LRCH1: variants seen among roughly 807,000 people sequenced by gnomAD.
LRCH1 encodes leucine-rich repeat and calponin homology domain-containing protein 1.
A neutral mutation model predicts 94.9 loss-of-function variants in LRCH1; 23 were observed. The ratio of observed to expected loss-of-function variants is 0.24; its 90% CI spans 0.17 to 0.34. The LOEUF is 0.34. Ranked by LOEUF, LRCH1 falls within the 10% of genes least tolerant of loss-of-function variation. The probability of loss-of-function intolerance (pLI) is 1.00; values close to 1 mark genes in which losing one functional copy is unlikely to be tolerated. For missense variants in LRCH1, 790 were observed against 945.9 expected, an observed-to-expected ratio of 0.84 and a Z score of 2.16; for synonymous variants, 364 against 354.9, an observed-to-expected ratio of 1.03 and a Z score of -0.29.
intron 1 of LRCH1, among the ~76,000 whole-genome samples, chr13:46,609,312 T>G (rs2050721502): frequency 6.6e-6 from 1 of 152,226 alleles, no homozygotes; most frequent in African/African-American, 2.4e-5. Context: ...ATCTACATTC[T>G]TCATTCTTAG....
At chr13:46,651,019 T>G (rs1300003467) in intron 2 of LRCH1, among the ~76,000 whole-genome samples, 3 of 152,226 alleles carry the variant, frequency 2.0e-5, no homozygotes, top group Admixed American at 2.0e-4. Flanking sequence ...TCAGTTATTT[T>G]AAGGCCTTGG....
chr13:46,558,570 T>TCCAAAAAAAAAAAAAAAAA (rs1346600054), intron 1 of LRCH1, among the ~76,000 whole-genome samples: 1 of 9,314 alleles, frequency 1.1e-4, no homozygotes, highest in Non-Finnish European at 1.6e-4. Flanking sequence ...ACCCTGTGTC[T>TCCAAAAAAAAAAAAAAAAA]ACAAAAAAAA....
intron 1 of LRCH1, among the ~76,000 whole-genome samples, chr13:46,576,356 T>C (rs2050304549): frequency 6.6e-6 from 1 of 152,208 alleles, no homozygotes; most frequent in South Asian, 2.1e-4. Context: ...AAAAAACTTG[T>C]TAGAATTCCC....
intron 1 of LRCH1, among the ~76,000 whole-genome samples, chr13:46,636,225 T>G (rs758818177): frequency 6.6e-6 from 1 of 151,814 alleles, no homozygotes; most frequent in African/African-American, 2.4e-5. Context: ...ATGTGCCACA[T>G]GCCTGGCTAA....
At chr13:46,605,655 T>A (rs2050679428) in intron 1 of LRCH1, among the ~76,000 whole-genome samples, 1 of 152,228 alleles carries the variant, frequency 6.6e-6, no homozygotes, top group Non-Finnish European at 1.5e-5. Flanking sequence ...TGACTGGGAT[T>A]TCAGAATATC....
intron 3 of LRCH1, among the ~76,000 whole-genome samples, chr13:46,670,033 C>T (rs777334763): frequency 2.6e-5 from 4 of 152,210 alleles, no homozygotes; most frequent in Non-Finnish European, 5.9e-5. Flanking sequence ...CGGAGCACCA[C>T]GGTGCTGGCC....
At chr13:46,750,351 T>C (rs1446776798) in intron 18 of LRCH1, among the ~76,000 whole-genome samples, 2 of 152,156 alleles carry the variant, frequency 1.3e-5, no homozygotes, top group Non-Finnish European at 2.9e-5. Context: ...TGAAAAATCA[T>C]TATTTTCTCT....
At chr13:46,569,213 G>C (rs1347920409) in intron 1 of LRCH1, among the ~76,000 whole-genome samples, 1 of 151,878 alleles carries the variant, frequency 6.6e-6, no homozygotes, top group Non-Finnish European at 1.5e-5. Flanking sequence ...TCACTGGAAT[G>C]ATGTTAGCTA....
downstream of LRCH1, among the ~76,000 whole-genome samples, chr13:46,748,285 T>A (rs1045532993): frequency 2.8e-4 from 43 of 152,092 alleles, 1 homozygote; most frequent in Non-Finnish European, 2.9e-4. Flanking sequence ...AGATTTTTTT[T>A]TTTTTAATGT....
At chr13:46,750,878 G>A in exon 19 of LRCH1, 1 of 386,248 alleles carries the variant, frequency 2.6e-6, no homozygotes, top group Non-Finnish European at 4.7e-6. Flanking sequence ...GGGAGCTGGA[G>A]GAAAAAAAAA....
At chr13:46,721,719 C>T (rs1162401175) in intron 16 of LRCH1, among the ~76,000 whole-genome samples, 1 of 152,174 alleles carries the variant, frequency 6.6e-6, no homozygotes, top group East Asian at 1.9e-4. Flanking sequence ...CAGTGGCTTC[C>T]AGCAGAGGCC....
chr13:46,695,458 T>C (rs192073787), intron 9 of LRCH1, among the ~76,000 whole-genome samples: 53 of 152,332 alleles, frequency 3.5e-4, no homozygotes, highest in Admixed American at 5.9e-4. Context: ...AGGACACTTA[T>C]TCCTGAACTT....
chr13:46,641,594 ATCTTC>A (rs959582279), intron 1 of LRCH1, among the ~76,000 whole-genome samples: 1 of 152,056 alleles, frequency 6.6e-6, no homozygotes, highest in African/African-American at 2.4e-5. Flanking sequence ...TCAAGATGAG[ATCTTC>A]TCTTCTGACC....
chr13:46,685,982 A>C lies in LRCH1; in HGVS notation c.763A>C (p.Met255Leu), dbSNP rs770849768. 12 of 1,610,946 alleles carry C rather than the reference A, an allele frequency of 7.4e-6. No homozygotes were observed. The Admixed American group carries it at 1.0e-4, about 14-fold the overall frequency. The stretch of plus-strand genomic sequence containing the variant: ...CGTGATTCCAATTTGTTTTAGAGAG[A>C]TGAAGCAGCTGCAAGTGTTACTACT... ...VLVIPICFRE[M>L]KQLQVLLLEN... Residue 255 changes from methionine (M) to leucine (L), a missense_variant, in exon 5 of 20, where the codon ATG becomes CTG. This residue lies in a region of LRCH1 where 194 missense variants were observed against 293.5 expected (regional missense o/e 0.66). Transcript: ENST00000389797.
intron 19 of LRCH1, among the ~76,000 whole-genome samples, chr13:46,737,213 G>C (rs574722895): frequency 7.6e-4 from 116 of 151,820 alleles, no homozygotes; most frequent in Non-Finnish European, 1.4e-3. Flanking sequence ...TAAATTCACT[G>C]AATAAATAGT....
chr13:46,645,630 A>G (rs935269662), intron 1 of LRCH1, among the ~76,000 whole-genome samples: 2 of 152,224 alleles, frequency 1.3e-5, no homozygotes, highest in Non-Finnish European at 2.9e-5. Context: ...AGAGGTCTAG[A>G]AAATTGAGTA....
At chr13:46,635,180 G>A (rs1388968443) in intron 1 of LRCH1, among the ~76,000 whole-genome samples, 1 of 152,154 alleles carries the variant, frequency 6.6e-6, no homozygotes, top group Non-Finnish European at 1.5e-5. Flanking sequence ...ACTCAAGGGG[G>A]CTTTACTGCC....
At chr13:46,750,108 G>C (rs1874063812) in intron 18 of LRCH1, among the ~76,000 whole-genome samples, 1 of 152,158 alleles carries the variant, frequency 6.6e-6, no homozygotes, top group African/African-American at 2.4e-5. Flanking sequence ...ACTCAATGAA[G>C]TTCTATGGTC....
chr13:46,620,227 A>C (rs931466826), intron 1 of LRCH1, among the ~76,000 whole-genome samples: 15 of 152,114 alleles, frequency 9.9e-5, no homozygotes, highest in African/African-American at 2.9e-4. Context: ...TACCAATACA[A>C]AAGCATGTTA....
Sources: allele counts gnomAD v4.1 joint callset (sites outside exome capture counted in the v4.1 genomes callset), GRCh38; gene constraint gnomAD v4.1.1; regional missense constraint gnomAD v4.1.1; transcripts MANE v1.5; gene names NCBI Gene and HGNC (gene_info 2026-07-23, HGNC 2026-07-21).